PRKAG2: variants seen among roughly 807,000 people sequenced by gnomAD.
PRKAG2 encodes the protein 5'-AMP-activated protein kinase subunit gamma-2.
A neutral mutation model predicts 69.6 loss-of-function variants in PRKAG2; 26 were observed. That is an observed-to-expected ratio of 0.37 (90% CI 0.27 to 0.52). The LOEUF (loss-of-function observed/expected upper bound fraction) is 0.52. Among genes scored for constraint, PRKAG2 ranks in the 20% least tolerant of loss-of-function variants. The probability of loss-of-function intolerance (pLI) is 0.90; values close to 1 mark genes in which losing one functional copy is unlikely to be tolerated. For synonymous variants in PRKAG2, 293 were observed against 285.0 expected, an observed-to-expected ratio of 1.03 and a Z score of -0.28; for missense variants, 557 against 740.0, an observed-to-expected ratio of 0.75 and a Z score of 2.87.
rs182678250 is a variant in PRKAG2 at position 151,610,801 on chromosome 7, T to A, written c.755-15347A>T. 3.7e-4 allele frequency among the ~76,000 whole-genome samples: 51 copies of A among 137,838 alleles called. No individual in the cohort carries two copies. The East Asian group carries it at 0.011, about 29-fold the overall frequency. 90.4% of individuals were successfully genotyped at this position (137,838 alleles called of 152,430 possible). A position where few individuals can be genotyped will look rare whatever the true frequency, so the allele number is the denominator to read the frequency against. ...TGTCACCCAGGCTGCAGTGCAGTGG[T>A]GCAATTTTGCCTTCTCCTGGGAGTG... On this transcript the variant is annotated intron_variant, in intron 5 of 15. Transcript: ENST00000287878.
intron 1 of PRKAG2, among the ~76,000 whole-genome samples, chr7:151,798,337 T>C (rs1051245707): frequency 5.9e-5 from 9 of 151,398 alleles, no homozygotes; most frequent in African/African-American, 2.2e-4. Context: ...TTTTTTGAGA[T>C]GGAGTCTCAC....
At chr7:151,773,572 C>T (rs2151786738) in intron 3 of PRKAG2, among the ~76,000 whole-genome samples, 2 of 152,336 alleles carry the variant, frequency 1.3e-5, no homozygotes, top group South Asian at 4.1e-4. Flanking sequence ...ATACAATGCA[C>T]TTAGAACACA....
chr7:151,725,457 G>A (rs1471793947), intron 3 of PRKAG2, among the ~76,000 whole-genome samples: 1 of 151,966 alleles, frequency 6.6e-6, no homozygotes, highest in Non-Finnish European at 1.5e-5. Flanking sequence ...GGAGATGGAT[G>A]GCTGGCTGCA....
intron 1 of PRKAG2, among the ~76,000 whole-genome samples, chr7:151,841,926 ATGGTAGTGTTGGTAGGTAG>A: frequency 6.9e-6 from 1 of 144,018 alleles, no homozygotes. Flanking sequence ...GTAGGTAGTC[ATGGTAGTGTTGGTAGGTAG>A]TGATGGTAGT....
chr7:151,871,660 G>A (rs113478494), intron 1 of PRKAG2, among the ~76,000 whole-genome samples: 3 of 152,180 alleles, frequency 2.0e-5, no homozygotes, highest in East Asian at 3.8e-4. Flanking sequence ...CTCCACCACC[G>A]TCCACTACCC....
chr7:151,782,414 A>G (rs1005917939), intron 2 of PRKAG2, among the ~76,000 whole-genome samples: 1 of 147,986 alleles, frequency 6.8e-6, no homozygotes, highest in Non-Finnish European at 1.5e-5. Flanking sequence ...GGAAGGAAGG[A>G]AGGAAGGAAG....
rs1229629489 is a variant in PRKAG2, at chr7:151,756,777, C to T, written c.466+24375G>A. ...CGCTTCCCAAACTCTAGTCTGGCGTCTCAGCTCTTTCCTCACCTTTATAAC... is the reference window on the plus strand; with the variant it reads ...CGCTTCCCAAACTCTAGTCTGGCGTTTCAGCTCTTTCCTCACCTTTATAAC... On this transcript the variant is annotated intron_variant, in intron 3 of 15. Coordinates refer to ENST00000287878, the MANE Select transcript of PRKAG2 (RefSeq NM_016203.4). This position sits in a 1 kb window ranked among gnomAD's most constrained non-coding sequence, Gnocchi z 4.9. 1.3e-5 allele frequency among the ~76,000 whole-genome samples: 2 copies of T among 152,188 alleles called. No homozygotes were observed. Among genetic ancestry groups the T allele is most frequent in the Non-Finnish European group, 2.9e-5 (2 of 68,038 alleles).
chr7:151,822,345 G>A (rs1260680314), intron 1 of PRKAG2, among the ~76,000 whole-genome samples: 2 of 151,902 alleles, frequency 1.3e-5, no homozygotes, highest in Admixed American at 6.6e-5. Context: ...GGTCAAGGGC[G>A]GGGGGTGACT....
intron 5 of PRKAG2, among the ~76,000 whole-genome samples, chr7:151,605,959 A>T (rs1162883955): frequency 6.6e-6 from 1 of 150,788 alleles, no homozygotes; most frequent in African/African-American, 2.5e-5. Context: ...AAAAAAAAGA[A>T]TTGCTTCAAC....
intron 6 of PRKAG2, among the ~76,000 whole-genome samples, chr7:151,591,930 G>A (rs576898546): frequency 4.6e-5 from 7 of 152,252 alleles, no homozygotes; most frequent in Admixed American, 1.3e-4. Flanking sequence ...GACCAAACAA[G>A]CTAGCCACGA....
At chr7:151,666,082 C>T (rs1001158257) in intron 4 of PRKAG2, among the ~76,000 whole-genome samples, 55 of 152,174 alleles carry the variant, frequency 3.6e-4, no homozygotes, top group African/African-American at 1.3e-3. Context: ...TCCCCTCACA[C>T]CGGATGAAAC....
intron 4 of PRKAG2, among the ~76,000 whole-genome samples, chr7:151,656,778 G>T (rs1216861157): frequency 1.3e-5 from 2 of 152,122 alleles, no homozygotes; most frequent in Non-Finnish European, 2.9e-5. Context: ...TAACTTGATT[G>T]TATTGGATCA....
chr7:151,832,282 A>G (rs868107874), intron 1 of PRKAG2, among the ~76,000 whole-genome samples: 1 of 138,058 alleles, frequency 7.2e-6, no homozygotes, highest in African/African-American at 2.9e-5. Context: ...GAGGGAAGGA[A>G]GGGAGGAGGG....
At chr7:151,825,286 G>C (rs2078882306) in intron 1 of PRKAG2, among the ~76,000 whole-genome samples, 1 of 152,132 alleles carries the variant, frequency 6.6e-6, no homozygotes, top group Non-Finnish European at 1.5e-5. Flanking sequence ...CGAATTAAAG[G>C]GCCTTTGAGA....
chr7:151,619,693 T>G (rs1186091718), intron 5 of PRKAG2, among the ~76,000 whole-genome samples: 2 of 152,216 alleles, frequency 1.3e-5, no homozygotes, highest in Non-Finnish European at 2.9e-5. Context: ...TATCTCATTA[T>G]GTATATGCAA....
chr7:151,606,362 A>G, intron 5 of PRKAG2, among the ~76,000 whole-genome samples: 1 of 152,256 alleles, frequency 6.6e-6, no homozygotes, highest in African/African-American at 2.4e-5. Context: ...TTACGATTAT[A>G]GGTGGCACCA....
At chr7:151,708,115 C>T (rs1373282941) in intron 3 of PRKAG2, among the ~76,000 whole-genome samples, 1 of 152,238 alleles carries the variant, frequency 6.6e-6, no homozygotes, top group East Asian at 1.9e-4. Flanking sequence ...GATGAAGGGG[C>T]TTGCCCAGCA....
At chr7:151,724,101 T>C (rs1029824358) in intron 3 of PRKAG2, among the ~76,000 whole-genome samples, 1 of 152,114 alleles carries the variant, frequency 6.6e-6, no homozygotes, top group Non-Finnish European at 1.5e-5. Context: ...GCACCATACC[T>C]TTGCCCTATG....
At chr7:151,717,545 G>A (rs915320484) in intron 3 of PRKAG2, among the ~76,000 whole-genome samples, 124 of 152,308 alleles carry the variant, frequency 8.1e-4, no homozygotes, top group African/African-American at 2.6e-3. Flanking sequence ...GGCTCCAGAT[G>A]CCTTTTAAGA....
Sources: gnomAD v4.1 joint callset for allele counts (sites outside exome capture counted in the v4.1 genomes callset) on GRCh38, gnomAD v4.1.1 for gene constraint, Gnocchi (gnomAD v3.1) non-coding constraint, MANE v1.5 for transcripts, NCBI Gene and HGNC (gene_info 2026-07-23, HGNC 2026-07-21) for gene names.